The following TENM2 variants were observed in gnomAD, a reference collection of about 807,000 sequenced individuals.
The protein encoded by TENM2 is teneurin-2.
Under a neutral mutation model 245.2 loss-of-function variants are expected in TENM2, and 52 were observed. The observed-to-expected ratio is 0.21, with a 90% confidence interval of 0.17 to 0.27. The LOEUF (loss-of-function observed/expected upper bound fraction) is 0.27. Among genes scored for constraint, TENM2 ranks in the 10% least tolerant of loss-of-function variants. The pLI, the probability that TENM2 is intolerant of heterozygous loss-of-function variation, is 1.00. For synonymous variants in TENM2, 1,363 were observed against 1,438.9 expected, an observed-to-expected ratio of 0.95 and a Z score of 1.19; for missense variants, 3,046 against 3,666.8, an observed-to-expected ratio of 0.83 and a Z score of 4.37.
At chr5:168,159,189 A>C (rs534234451) in intron 12 of TENM2, among the ~76,000 whole-genome samples, 43 of 152,134 alleles carry the variant, frequency 2.8e-4, no homozygotes, top group Admixed American at 2.0e-3. Context: ...ACAATGCCAA[A>C]TGTTTTCTGG....
At position 168,218,697 on chromosome 5, in the gene TENM2, C is replaced by T. The variant is rs1362257956; in HGVS notation, c.4806C>T (p.His1602=). 6.2e-7 allele frequency: 1 copy of T among 1,614,040 alleles called. No individual in the cohort carries two copies. Among genetic ancestry groups the T allele is most frequent in the East Asian group, 2.2e-5 (1 of 44,878 alleles). ...ATGTTTTCAACGCTGATGGCATCCA[C>T]CAATACACTGTGAGCCTGGTGACAG... The change falls in exon 23 of 29, where the codon CAC becomes CAT. Residue 1602 remains histidine, a synonymous_variant. Transcript: ENST00000518659. This position sits in a 1 kb window ranked among gnomAD's most constrained non-coding sequence, Gnocchi z 5.2.
At chr5:168,088,488 C>T (rs1007732742) in intron 7 of TENM2, among the ~76,000 whole-genome samples, 1 of 152,120 alleles carries the variant, frequency 6.6e-6, no homozygotes, top group Non-Finnish European at 1.5e-5. Context: ...AAGCAGCGGC[C>T]GTCACCAGCG....
intron 12 of TENM2, 84 bp downstream of exon 14, chr5:168,127,050 T>C: frequency 8.5e-7 from 1 of 1,179,616 alleles, no homozygotes; most frequent in Admixed American, 2.1e-5. Context: ...GGGACACAAG[T>C]GCTCTCCCAC....
At chr5:167,761,505 A>G (rs1762665687) in intron 2 of TENM2, among the ~76,000 whole-genome samples, 1 of 151,704 alleles carries the variant, frequency 6.6e-6, no homozygotes, top group Non-Finnish European at 1.5e-5. Context: ...TGCTATTAGA[A>G]AAAAAAAATC....
chr5:168,102,663 G>A (rs984728727), intron 9 of TENM2, among the ~76,000 whole-genome samples: 3 of 152,178 alleles, frequency 2.0e-5, no homozygotes, highest in Non-Finnish European at 1.5e-5. Context: ...GGGATGAAAT[G>A]AGAAACAAGT....
chr5:167,345,145 A>C (rs995570194), intron 1 of TENM2, among the ~76,000 whole-genome samples: 2 of 152,192 alleles, frequency 1.3e-5, no homozygotes, highest in African/African-American at 4.8e-5. Flanking sequence ...TCAATTATTC[A>C]AAAGCAGACA....
At chr5:167,228,991 C>T in the TENM2 span, among the ~76,000 whole-genome samples, 43 of 152,292 alleles carry the variant, frequency 2.8e-4, no homozygotes, top group East Asian at 4.1e-3. Flanking sequence ...TGAGCCACCG[C>T]GTCCGGCCCC....
At position 167,337,564 on chromosome 5, in the gene TENM2, T is replaced by A. The variant is rs576537074; in HGVS notation, c.227-37634T>A. Among the ~76,000 whole-genome samples the A allele has an allele frequency of 3.3e-5, 5 of 152,266 alleles. No homozygotes were observed. The South Asian group carries it at 1.0e-3, about 32-fold the overall frequency. ...GGAATGTAAAGGGGGAAATAATTAT[T>A]TGTAAAAATGTTGGCCAAGGTTTTG... On this transcript the variant is annotated intron_variant, in intron 1 of 28. Transcript: ENST00000518659.
intron 2 of TENM2, among the ~76,000 whole-genome samples, chr5:167,736,264 C>A (rs185968652): frequency 6.6e-6 from 1 of 152,138 alleles, no homozygotes; most frequent in East Asian, 1.9e-4. Flanking sequence ...GATAAACTGC[C>A]CCTGTGATTC....
chr5:167,007,938 A>C, the TENM2 span, among the ~76,000 whole-genome samples: 1 of 152,066 alleles, frequency 6.6e-6, no homozygotes, highest in South Asian at 2.1e-4. This position sits in a 1 kb window ranked among gnomAD's most constrained non-coding sequence, Gnocchi z 4.2. Flanking sequence ...CTGGGATGAC[A>C]CTGAATGGGA....
At position 167,597,983 on chromosome 5, in the gene TENM2, A is replaced by G. The variant is rs116327241; in HGVS notation, c.502+222510A>G. 7.2e-3 allele frequency among the ~76,000 whole-genome samples: 1,104 copies of G among 152,322 alleles called. 14 individuals are homozygous for G. The highest frequency in any genetic ancestry group is 0.044 in the Middle Eastern group (13 of 294). On this transcript the variant is annotated intron_variant, in intron 2 of 28. Coordinates refer to ENST00000518659, the Ensembl canonical transcript of TENM2. ...ATGAATGAACAAACCTGTGAATAACAGAATACAACACCATCACACCCACAT... is the reference window on the plus strand; with the variant it reads ...ATGAATGAACAAACCTGTGAATAACGGAATACAACACCATCACACCCACAT...
intron 2 of TENM2, among the ~76,000 whole-genome samples, chr5:167,731,025 A>T (rs534221492): frequency 2.8e-4 from 43 of 152,132 alleles, no homozygotes; most frequent in Non-Finnish European, 2.9e-4. Context: ...TTCTGTGTAG[A>T]TGTGGATGCA....
chr5:167,120,059 A>T, the TENM2 span, among the ~76,000 whole-genome samples: 1 of 152,126 alleles, frequency 6.6e-6, no homozygotes, highest in Non-Finnish European at 1.5e-5. Context: ...CACTGAACAG[A>T]GAGAAAGAGA....
At chr5:166,983,267 A>G in the TENM2 span, among the ~76,000 whole-genome samples, 1 of 152,102 alleles carries the variant, frequency 6.6e-6, no homozygotes, top group Non-Finnish European at 1.5e-5. Context: ...TGTATACTAC[A>G]GTATGATTCT....
At chr5:167,935,411 A>T (rs32421) in intron 3 of TENM2, among the ~76,000 whole-genome samples, 55,269 of 152,010 alleles carry the variant, frequency 0.36, 13,240 homozygotes, top group African/African-American at 0.69. Flanking sequence ...GCCAAAACTG[A>T]ACAGACAGCT....
intron 2 of TENM2, among the ~76,000 whole-genome samples, chr5:167,437,001 T>A (rs1022012134): frequency 1.2e-4 from 19 of 152,026 alleles, no homozygotes; most frequent in African/African-American, 4.3e-4. Context: ...ATATATGGGG[T>A]TGGAGCCCCC....
chr5:167,424,064 T>C (rs1260209183), intron 2 of TENM2, among the ~76,000 whole-genome samples: 2 of 152,202 alleles, frequency 1.3e-5, no homozygotes, highest in African/African-American at 2.4e-5. Context: ...TCTGCCTCTG[T>C]CCCGGCAGAA....
chr5:167,635,730 C>T (rs537814410), intron 2 of TENM2, among the ~76,000 whole-genome samples: 3 of 145,586 alleles, frequency 2.1e-5, no homozygotes, highest in African/African-American at 7.7e-5. Flanking sequence ...CTGCAAGCTC[C>T]GCCTCCCGGG....
chr5:168,125,207 G>A (rs970498424), intron 11 of TENM2, among the ~76,000 whole-genome samples, 157 bp downstream of exon 13: 2 of 152,150 alleles, frequency 1.3e-5, no homozygotes, highest in African/African-American at 2.4e-5. Context: ...CTCCTCAATC[G>A]TGGAGTCTGT....
Sources: allele counts gnomAD v4.1 joint callset (sites outside exome capture counted in the v4.1 genomes callset), GRCh38; gene constraint gnomAD v4.1.1; non-coding constraint Gnocchi (gnomAD v3.1); transcripts MANE v1.5; gene names NCBI Gene and HGNC (gene_info 2026-07-23, HGNC 2026-07-21).